The following PAX5 variants were observed in gnomAD, a reference collection of about 807,000 sequenced individuals.
PAX5 encodes paired box protein Pax-5.
PAX5 carries 9 observed loss-of-function variants against 43.7 expected under a neutral mutation model. The observed-to-expected ratio is 0.21, with a 90% CI of 0.12 to 0.36. The LOEUF (loss-of-function observed/expected upper bound fraction) is 0.36. PAX5 is among the 10% of genes least tolerant of loss of function. The pLI is 1.00. For missense variants in PAX5, 383 were observed against 532.7 expected, an observed-to-expected ratio of 0.72 and a Z score of 2.77; for synonymous variants, 228 against 214.3, an observed-to-expected ratio of 1.06 and a Z score of -0.56.
intron 4 of PAX5, 162 bp from the exon 5 acceptor site, chr9:37,002,938 G>T: frequency 1.3e-6 from 1 of 778,700 alleles, no homozygotes; most frequent in East Asian, 2.9e-5. Context: ...CCTGAGCCAC[G>T]AGCGCAGGCC....
intron 8 of PAX5, among the ~76,000 whole-genome samples, chr9:36,874,580 T>TGC (rs1563919783): frequency 1.3e-5 from 2 of 152,314 alleles, no homozygotes; most frequent in African/African-American, 4.8e-5. Context: ...GCACACATGG[T>TGC]TCCCAGCCCA....
At chr9:36,961,958 C>T (rs1377362925) in intron 6 of PAX5, among the ~76,000 whole-genome samples, 1 of 152,192 alleles carries the variant, frequency 6.6e-6, no homozygotes, top group Non-Finnish European at 1.5e-5. Flanking sequence ...GGAAGTGTTT[C>T]ATTGCCCAGG....
At chr9:36,915,421 A>AT in intron 7 of PAX5, among the ~76,000 whole-genome samples, 1 of 152,296 alleles carries the variant, frequency 6.6e-6, no homozygotes, top group East Asian at 1.9e-4. Flanking sequence ...GATTGTTTTA[A>AT]TTTACAGTTT....
chr9:36,874,055 C>T (rs1034766919), intron 8 of PAX5, among the ~76,000 whole-genome samples: 1 of 152,164 alleles, frequency 6.6e-6, no homozygotes, highest in African/African-American at 2.4e-5. Flanking sequence ...GTAGGGCAGG[C>T]AAGACGCAGA....
At chr9:37,006,420 A>C (rs1172548833) in intron 4 of PAX5, 53 bp downstream of exon 4, 1 of 1,286,322 alleles carries the variant, frequency 7.8e-7, no homozygotes, top group Non-Finnish European at 1.1e-6. Context: ...AAAGTTCTTT[A>C]GAATATTTGG....
chr9:36,940,523 C>G (rs1021477301), intron 6 of PAX5, among the ~76,000 whole-genome samples: 22 of 152,228 alleles, frequency 1.4e-4, no homozygotes, highest in African/African-American at 5.3e-4. Context: ...CTTGCGCACA[C>G]GACCCCCAGG....
intron 8 of PAX5, among the ~76,000 whole-genome samples, chr9:36,880,611 G>A (rs1456138299): frequency 6.6e-6 from 1 of 152,192 alleles, no homozygotes; most frequent in East Asian, 1.9e-4. Context: ...CGCCCAGGCT[G>A]GAGTGCAGTG....
chr9:36,863,936 CCG>C, intron 8 of PAX5, among the ~76,000 whole-genome samples: 1 of 152,318 alleles, frequency 6.6e-6, no homozygotes. Flanking sequence ...TGGTGAAACC[CCG>C]TCTCTACTAA....
At chr9:37,024,186 T>C (rs1176897520) in intron 1 of PAX5, among the ~76,000 whole-genome samples, 5 of 152,290 alleles carry the variant, frequency 3.3e-5, no homozygotes. Flanking sequence ...ATGAGTGTTT[T>C]ATAACTGGTA....
chr9:36,912,016 G>A (rs1417809190), intron 7 of PAX5, among the ~76,000 whole-genome samples: 1 of 152,188 alleles, frequency 6.6e-6, no homozygotes, highest in African/African-American at 2.4e-5. Flanking sequence ...GATAGACACT[G>A]GGACTCTAAA....
chr9:36,951,508 A>G (rs185711465), intron 6 of PAX5, among the ~76,000 whole-genome samples: 1 of 152,316 alleles, frequency 6.6e-6, no homozygotes, highest in East Asian at 1.9e-4. Flanking sequence ...CTTAAAGTTT[A>G]TATCATCTGA....
chr9:36,937,973 C>A (rs1490114252), intron 6 of PAX5, among the ~76,000 whole-genome samples: 1 of 152,188 alleles, frequency 6.6e-6, no homozygotes, highest in African/African-American at 2.4e-5. Context: ...TTCAAGTCCT[C>A]TCTGTTCTTT....
chr9:36,899,839 C>T (rs73453273), intron 7 of PAX5, among the ~76,000 whole-genome samples: 13,174 of 152,268 alleles, frequency 0.087, 711 homozygotes, highest in South Asian at 0.18. Flanking sequence ...CAGGGCTCCA[C>T]TGCCACAACC....
intron 7 of PAX5, among the ~76,000 whole-genome samples, chr9:36,895,499 T>C (rs1827786924): frequency 6.6e-6 from 1 of 152,240 alleles, no homozygotes; most frequent in Non-Finnish European, 1.5e-5. Flanking sequence ...TCTATAACCT[T>C]GGGCAAGATT....
At chr9:36,897,876 A>T (rs912364126) in intron 7 of PAX5, among the ~76,000 whole-genome samples, 3 of 152,222 alleles carry the variant, frequency 2.0e-5, no homozygotes, top group Non-Finnish European at 4.4e-5. Flanking sequence ...AGACTTGGCC[A>T]AAGTCAGCCG....
intron 7 of PAX5, among the ~76,000 whole-genome samples, chr9:36,890,048 TGG>T (rs1051487928): frequency 7.9e-5 from 12 of 152,144 alleles, no homozygotes; most frequent in African/African-American, 2.2e-4. Context: ...AATTAACCAC[TGG>T]GGGTTGTCAC....
At chr9:36,871,921 G>A (rs919043412) in intron 8 of PAX5, among the ~76,000 whole-genome samples, 2 of 152,190 alleles carry the variant, frequency 1.3e-5, no homozygotes, top group African/African-American at 2.4e-5. Context: ...CTTGCAATGG[G>A]GTTGTGAGAA....
chr9:37,014,859 G>A, intron 3 of PAX5, 138 bp downstream of exon 3: 2 of 779,810 alleles, frequency 2.6e-6, no homozygotes, highest in South Asian at 1.7e-5. Flanking sequence ...GGCCCCATTA[G>A]CATCCCTCCT....
intron 7 of PAX5, among the ~76,000 whole-genome samples, chr9:36,883,120 T>C (rs1826595519): frequency 6.6e-6 from 1 of 152,144 alleles, no homozygotes; most frequent in Admixed American, 6.5e-5. Flanking sequence ...TGTCCAAAGA[T>C]ACTCGGCTGA....
Sources: allele counts gnomAD v4.1 joint callset (sites outside exome capture counted in the v4.1 genomes callset), GRCh38; gene constraint gnomAD v4.1.1; transcripts MANE v1.5; gene names NCBI Gene and HGNC (gene_info 2026-07-23, HGNC 2026-07-21).